Variants in PLD5 observed in about 807,000 individuals in gnomAD.
PLD5 encodes the protein inactive phospholipase D5.
In PLD5, 36 loss-of-function variants were observed where a neutral mutation model predicts 61.1. The ratio of observed to expected loss-of-function variants is 0.59; its 90% CI spans 0.45 to 0.78. PLD5 has a LOEUF of 0.78. PLD5 is among the 30% of genes least tolerant of loss of function. PLD5 has a pLI of 0.00. For synonymous variants in PLD5, 243 were observed against 242.8 expected (o/e 1.00, Z -0.01); for missense variants, 515 against 644.4 (o/e 0.80, Z 2.17).
intron 2 of PLD5, among the ~76,000 whole-genome samples, chr1:242,333,360 A>T (rs534432973): frequency 6.6e-6 from 1 of 151,834 alleles, no homozygotes; most frequent in Non-Finnish European, 1.5e-5. Flanking sequence ...TCAGAAACAT[A>T]TTTTTTTTCT....
intron 5 of PLD5, among the ~76,000 whole-genome samples, chr1:242,198,166 G>A (rs1040545266): frequency 3.3e-5 from 5 of 152,122 alleles, no homozygotes; most frequent in Admixed American, 1.3e-4. Flanking sequence ...ACTAGTTTGC[G>A]GCAGGCCAAG....
intron 5 of PLD5, among the ~76,000 whole-genome samples, chr1:242,198,810 C>T (rs909379262): frequency 6.6e-6 from 1 of 152,016 alleles, no homozygotes; most frequent in Non-Finnish European, 1.5e-5. Context: ...TCTCAGCTCA[C>T]CGCAACCTCC....
At chr1:242,182,033 T>C (rs1416090065) in intron 5 of PLD5, among the ~76,000 whole-genome samples, 7 of 152,218 alleles carry the variant, frequency 4.6e-5, no homozygotes, top group African/African-American at 7.2e-5. Context: ...TCTTTGCCAA[T>C]GTACATATAG....
chr1:242,182,670 C>A (rs1667593626), intron 5 of PLD5, among the ~76,000 whole-genome samples: 1 of 152,070 alleles, frequency 6.6e-6, no homozygotes, highest in Non-Finnish European at 1.5e-5. Context: ...TGGCGAAAAA[C>A]CATCTCTACT....
chr1:242,313,575 A>AT, intron 2 of PLD5, among the ~76,000 whole-genome samples: 1 of 152,344 alleles, frequency 6.6e-6, no homozygotes. Context: ...GCTTGATAAA[A>AT]TAATAGAGGA....
At chr1:242,190,456 C>T (rs1668191259) in intron 5 of PLD5, among the ~76,000 whole-genome samples, 2 of 151,888 alleles carry the variant, frequency 1.3e-5, no homozygotes, top group African/African-American at 4.8e-5. Flanking sequence ...CATTGCAGGA[C>T]TCCTTATGGA....
intron 1 of PLD5, among the ~76,000 whole-genome samples, chr1:242,395,797 C>G (rs1229421584): frequency 1.3e-5 from 2 of 152,178 alleles, no homozygotes; most frequent in Non-Finnish European, 2.9e-5. Flanking sequence ...CGCCTGTAAT[C>G]CCAGCACTCT....
intron 5 of PLD5, among the ~76,000 whole-genome samples, chr1:242,158,887 G>C (rs1422844692): frequency 2.0e-5 from 3 of 152,132 alleles, no homozygotes; most frequent in Admixed American, 2.0e-4. Flanking sequence ...CCTATTGAGA[G>C]AAAATCTTTA....
At chr1:242,215,043 ATTTT>A in intron 5 of PLD5, among the ~76,000 whole-genome samples, 1 of 120,614 alleles carries the variant, frequency 8.3e-6, no homozygotes. Flanking sequence ...TGCCTGGCCA[ATTTT>A]TTTTTTTTTT....
intron 1 of PLD5, among the ~76,000 whole-genome samples, chr1:242,502,712 T>G (rs1391369266): frequency 2.0e-5 from 3 of 152,074 alleles, no homozygotes; most frequent in African/African-American, 7.2e-5. Flanking sequence ...TGTGCGTATC[T>G]CCTGACTTCT....
intron 1 of PLD5, among the ~76,000 whole-genome samples, chr1:242,372,045 C>T (rs1308891616): frequency 6.6e-6 from 1 of 152,238 alleles, no homozygotes; most frequent in East Asian, 1.9e-4. Flanking sequence ...CCCTGACAGG[C>T]CCTGGTGTGT....
At chr1:242,492,508 GC>G (rs1452372796) in intron 1 of PLD5, among the ~76,000 whole-genome samples, 4 of 135,862 alleles carry the variant, frequency 2.9e-5, no homozygotes, top group Non-Finnish European at 6.2e-5. Context: ...GATAACAAGA[GC>G]AAAACTCCGT....
intron 4 of PLD5, among the ~76,000 whole-genome samples, chr1:242,251,786 A>T (rs1472629272): frequency 6.6e-6 from 1 of 152,202 alleles, no homozygotes; most frequent in Non-Finnish European, 1.5e-5. Flanking sequence ...GAGAGAAAAA[A>T]ACTTGACTGA....
intron 1 of PLD5, among the ~76,000 whole-genome samples, chr1:242,397,111 C>T (rs1254145121): frequency 6.6e-6 from 1 of 152,084 alleles, no homozygotes; most frequent in Admixed American, 6.6e-5. Context: ...ATCTACCAAT[C>T]GTCTCACCTA....
In PLD5 at chr1:242,352,857, G is replaced by A. The variant is rs188276476; in HGVS notation, c.190-4615C>T. ...TGTATGTCTTTAAAGAAATATCTGCGAAAGCCCTTTACTTATTTCTTAATC... is the reference window on the plus strand; with the variant it reads ...TGTATGTCTTTAAAGAAATATCTGCAAAAGCCCTTTACTTATTTCTTAATC... On this transcript the variant is annotated intron_variant, in intron 1 of 9. Transcript: ENST00000536534. 7.2e-4 allele frequency among the ~76,000 whole-genome samples: 109 copies of A among 152,220 alleles called. 1 individual carries two copies. Among genetic ancestry groups the A allele is most frequent in the African/African-American group, 2.4e-3 (98 of 41,554 alleles).
intron 1 of PLD5, among the ~76,000 whole-genome samples, chr1:242,456,889 A>G (rs990191260): frequency 4.6e-5 from 7 of 152,158 alleles, no homozygotes; most frequent in Non-Finnish European, 8.8e-5. Flanking sequence ...CGTCCGTAAC[A>G]CTATTTCCTA....
intron 1 of PLD5, among the ~76,000 whole-genome samples, chr1:242,476,334 G>A (rs867798465): frequency 3.3e-5 from 5 of 150,324 alleles, no homozygotes; most frequent in South Asian, 2.1e-4. Context: ...CAGCCTGGGC[G>A]ATGAGAGTGA....
chr1:242,352,739 A>G (rs2149226073), intron 1 of PLD5, among the ~76,000 whole-genome samples: 1 of 152,306 alleles, frequency 6.6e-6, no homozygotes, highest in South Asian at 2.1e-4. Context: ...TAGCCACTCT[A>G]ACAGGTGTAA....
At chr1:242,239,293 A>G (rs1272575519) in intron 4 of PLD5, among the ~76,000 whole-genome samples, 9 of 107,064 alleles carry the variant, frequency 8.4e-5, no homozygotes, top group African/African-American at 2.5e-4. Context: ...AGGAAGAAAC[A>G]CAGTCCTTGT....
Sources: allele counts gnomAD v4.1 joint callset (sites outside exome capture counted in the v4.1 genomes callset), GRCh38; gene constraint gnomAD v4.1.1; transcripts MANE v1.5; gene names NCBI Gene and HGNC (gene_info 2026-07-23, HGNC 2026-07-21).